The following PRKAG2 variants were observed in gnomAD, a reference collection of about 807,000 sequenced individuals.
PRKAG2 encodes the protein protein kinase AMP-activated non-catalytic subunit gamma 2, also known as 5'-AMP-activated protein kinase subunit gamma-2.
PRKAG2 carries 26 observed loss-of-function variants against 69.6 expected under a neutral mutation model. The observed-to-expected ratio is 0.37, with a 90% CI of 0.27 to 0.52. The LOEUF (loss-of-function observed/expected upper bound fraction) is 0.52, where lower values mean the gene tolerates loss of function less well. PRKAG2 is among the 20% of genes least tolerant of loss of function. The probability of loss-of-function intolerance (pLI) is 0.90; values close to 1 mark genes in which losing one functional copy is unlikely to be tolerated. For missense variants in PRKAG2, 557 were observed against 740.0 expected (o/e 0.75, Z 2.87); for synonymous variants, 293 against 285.0 (o/e 1.03, Z -0.28).
intron 14 of PRKAG2, among the ~76,000 whole-genome samples, chr7:151,562,246 A>C (rs1805206689): frequency 3.8e-5 from 3 of 78,338 alleles, no homozygotes; most frequent in African/African-American, 6.7e-5. Context: ...CTTTGTCTCA[A>C]AAAAAAAAAA....
chr7:151,763,598 T>G (rs2075560074), intron 3 of PRKAG2, among the ~76,000 whole-genome samples: 1 of 152,234 alleles, frequency 6.6e-6, no homozygotes. Context: ...GCTGCTCTCT[T>G]GGAAATCACC....
At position 151,782,331 on chromosome 7, in the gene PRKAG2, AGGAAGGAAGGAGGGAGGGAGGGAG is replaced by A. The variant is rs1413212367; in HGVS notation, c.187-924_187-901del. 2.7e-3 allele frequency among the ~76,000 whole-genome samples: 72 copies of A among 26,974 alleles called. No homozygotes were observed. In the South Asian group the frequency reaches 0.037, roughly 14 times the overall value. 17.7% of individuals were successfully genotyped at this position (26,974 alleles called of 152,430 possible). Reference sequence around the variant, plus strand: ...AAGGAAGGAAGGAAGGAAGGAAGGAAGGAAGGAAGGAGGGAGGGAGGGAGGGAGGGAGGGAGGGAGGGAAGGAAA... The same window carrying A: ...AAGGAAGGAAGGAAGGAAGGAAGGAAGGAGGGAGGGAGGGAGGGAAGGAAA... On this transcript the variant is annotated intron_variant, in intron 2 of 15. Coordinates refer to ENST00000287878, the MANE Select transcript of PRKAG2 (RefSeq NM_016203.4).
At chr7:151,617,340 C>G (rs1292234956) in intron 5 of PRKAG2, among the ~76,000 whole-genome samples, 1 of 148,970 alleles carries the variant, frequency 6.7e-6, no homozygotes, top group Non-Finnish European at 1.5e-5. Context: ...TCGTGTAGCA[C>G]CAAGGCGTCA....
chr7:151,716,375 T>C (rs535104034), intron 3 of PRKAG2, among the ~76,000 whole-genome samples: 66 of 152,280 alleles, frequency 4.3e-4, no homozygotes, highest in African/African-American at 1.6e-3. Context: ...AAGCCCCCTT[T>C]GTGACCCTGG....
Position 151,852,169 on chromosome 7 carries a change from C to T in PRKAG2, c.114+24338G>A, listed in dbSNP as rs533752711. On this transcript the variant is annotated intron_variant, in intron 1 of 15. Transcript: ENST00000287878. ...TGCCAGCTCAGACCGAGGCACTGGT[C>T]GGGGGTCCCTGGGGCTAGGGGGGAC... Among the ~76,000 whole-genome samples, 10 of 152,196 alleles carry T rather than the reference C, an allele frequency of 6.6e-5. No individual in the cohort carries two copies. The East Asian group carries it at 7.7e-4, about 12-fold the overall frequency.
intron 3 of PRKAG2, among the ~76,000 whole-genome samples, chr7:151,705,805 G>A (rs961378082): frequency 5.3e-5 from 8 of 152,110 alleles, no homozygotes; most frequent in African/African-American, 1.9e-4. Flanking sequence ...CTGCAGGTTG[G>A]TGGCACTTCC....
intron 3 of PRKAG2, among the ~76,000 whole-genome samples, chr7:151,754,525 AG>A (rs2074937632): frequency 1.3e-5 from 2 of 152,212 alleles, no homozygotes; most frequent in African/African-American, 4.8e-5. Context: ...ACTGGGGCTT[AG>A]GGGCAGACTT....
rs2888776 is a variant in PRKAG2 at position 151,632,500 on chromosome 7, G to A, written c.685-362C>T. 4.5e-3 allele frequency: 3,976 copies of A among 886,052 alleles called. 124 individuals are homozygous for A. The African/African-American group carries it at 0.067, about 15-fold the overall frequency. The allele number at this position is 886,052 out of a possible 1,614,324, so 54.9% of individuals were successfully genotyped here. A position where few individuals can be genotyped will look rare whatever the true frequency, so the allele number is the denominator to read the frequency against. On this transcript the variant is annotated intron_variant, in intron 4 of 15. Coordinates refer to ENST00000287878, the MANE Select transcript of PRKAG2 (RefSeq NM_016203.4). This position sits in a 1 kb window ranked among gnomAD's most constrained non-coding sequence, Gnocchi z 4.2. ...GCGCCCCCCTCCGGCCGTGGCCCGC[G>A]TCCTCCCCGCCGTGCCGCCATTGGG...
chr7:151,720,662 G>C (rs1294326217), intron 3 of PRKAG2, among the ~76,000 whole-genome samples: 2 of 123,328 alleles, frequency 1.6e-5, no homozygotes, highest in East Asian at 4.9e-4. Context: ...GGAGAGAATG[G>C]AGGGGATGGA....
chr7:151,709,307 A>T (rs1839154750), intron 3 of PRKAG2, among the ~76,000 whole-genome samples: 1 of 83,938 alleles, frequency 1.2e-5, no homozygotes, highest in African/African-American at 7.2e-5. Context: ...TGACATTGAC[A>T]CTGACAATGA....
chr7:151,624,911 C>G (rs1325940427), intron 5 of PRKAG2, among the ~76,000 whole-genome samples: 1 of 152,184 alleles, frequency 6.6e-6, no homozygotes, highest in African/African-American at 2.4e-5. Flanking sequence ...CATTGACCAC[C>G]TGAAGTATGG....
At chr7:151,593,577 G>A (rs979924898) in intron 6 of PRKAG2, among the ~76,000 whole-genome samples, 1 of 152,144 alleles carries the variant, frequency 6.6e-6, no homozygotes, top group Non-Finnish European at 1.5e-5. Context: ...TGGGGGATGG[G>A]CGTGAGGCTG....
rs1563737717 is a variant in PRKAG2, at chr7:151,832,233, A to AAGG, written c.114+44273_114+44274insCCT. On this transcript the variant is annotated intron_variant, in intron 1 of 15. Transcript: ENST00000287878. The stretch of plus-strand genomic sequence containing the variant: ...AGGAAGAGGAGGGGAGGAGGGAAGG[A>AAGG]GAGGAGGAGGGAAGGAAGGGAGGAG... 9.2e-4 allele frequency among the ~76,000 whole-genome samples: 48 copies of AAGG among 52,276 alleles called. 2 individuals are homozygous for AAGG. Among genetic ancestry groups the AAGG allele is most frequent in the Admixed American group, 2.2e-3 (12 of 5,526 alleles). The allele number at this position is 52,276 out of a possible 152,430, so 34.3% of individuals were successfully genotyped here.
intron 3 of PRKAG2, among the ~76,000 whole-genome samples, chr7:151,688,869 C>A (rs957853513): frequency 6.6e-6 from 1 of 152,306 alleles, no homozygotes; most frequent in East Asian, 1.9e-4. Context: ...TTTTAGGAAT[C>A]TGTATTCCGA....
chr7:151,739,713 C>T (rs1343771198), intron 3 of PRKAG2, among the ~76,000 whole-genome samples: 1 of 152,144 alleles, frequency 6.6e-6, no homozygotes, highest in Non-Finnish European at 1.5e-5. Flanking sequence ...TCAAGTGATC[C>T]ACCCGCCTTG....
intron 1 of PRKAG2, among the ~76,000 whole-genome samples, chr7:151,854,646 T>C (rs2079659161): frequency 6.6e-6 from 1 of 152,210 alleles, no homozygotes; most frequent in South Asian, 2.1e-4. Flanking sequence ...CACCTCAGTT[T>C]GCACAATTGG....
chr7:151,705,370 T>A (rs1838407148), intron 3 of PRKAG2, among the ~76,000 whole-genome samples: 1 of 152,116 alleles, frequency 6.6e-6, no homozygotes, highest in South Asian at 2.1e-4. Flanking sequence ...CACACACAGA[T>A]GTACATGGAT....
In PRKAG2 at chr7:151,835,823, G is replaced by A. The variant is rs1308469053; in HGVS notation, c.114+40684C>T. ...GATGCCAGGAGGAAGGGCCCACTGTGATGGCAGATTGCTGGCTGCTCACCG... is the reference window on the plus strand; with the variant it reads ...GATGCCAGGAGGAAGGGCCCACTGTAATGGCAGATTGCTGGCTGCTCACCG... On this transcript the variant is annotated intron_variant, in intron 1 of 15. Coordinates refer to ENST00000287878, the MANE Select transcript of PRKAG2 (RefSeq NM_016203.4). This position sits in a 1 kb window ranked among gnomAD's most constrained non-coding sequence, Gnocchi z 4.1. Among the ~76,000 whole-genome samples, 1 of 152,234 alleles carries A rather than the reference G, an allele frequency of 6.6e-6. No individual in the cohort carries two copies. The highest frequency in any genetic ancestry group is 2.4e-5 in the African/African-American group (1 of 41,458).
chr7:151,774,353 CT>C (rs1563643071), intron 3 of PRKAG2, among the ~76,000 whole-genome samples: 2 of 152,206 alleles, frequency 1.3e-5, no homozygotes, highest in Non-Finnish European at 2.9e-5. Flanking sequence ...CCAAGATCAG[CT>C]GTGGAATCCA....
Sources: gnomAD v4.1 joint callset for allele counts (sites outside exome capture counted in the v4.1 genomes callset) on GRCh38, gnomAD v4.1.1 for gene constraint, Gnocchi (gnomAD v3.1) non-coding constraint, MANE v1.5 for transcripts, NCBI Gene and HGNC (gene_info 2026-07-23, HGNC 2026-07-21) for gene names.